Variants in SNAP91 observed in about 807,000 individuals in gnomAD.
The protein encoded by SNAP91 is clathrin coat assembly protein AP180.
Under a neutral mutation model 100.3 loss-of-function variants are expected in SNAP91, and 27 were observed. The ratio of observed to expected loss-of-function variants is 0.27; its 90% CI spans 0.20 to 0.37. The LOEUF is 0.37. SNAP91 is among the 10% of genes least tolerant of loss of function. SNAP91 has a pLI of 1.00. For missense variants in SNAP91, 986 were observed against 1,123.7 expected, an observed-to-expected ratio of 0.88 and a Z score of 1.75; for synonymous variants, 404 against 398.6, an observed-to-expected ratio of 1.01 and a Z score of -0.16.
In SNAP91 at chr6:83,569,513, G is replaced by A. The variant is rs186438814; in HGVS notation, c.2442+5497C>T. Among the ~76,000 whole-genome samples the A allele has an allele frequency of 7.9e-4, 121 of 152,282 alleles. 2 individuals carry two copies. The highest frequency in any genetic ancestry group is 2.7e-3 in the African/African-American group (114 of 41,552). ...CAGTTAAGTCTTGATCTCAGGGTGG[G>A]TAATGGCCAAGGAAGTTCTTCAACT... On this transcript the variant is annotated intron_variant, in intron 26 of 29. Coordinates refer to ENST00000369694, the MANE Select transcript of SNAP91 (RefSeq NM_001242792.2).
chr6:83,669,811 G>C (rs2098751035), intron 2 of SNAP91, among the ~76,000 whole-genome samples: 1 of 151,878 alleles, frequency 6.6e-6, no homozygotes, highest in South Asian at 2.1e-4. Flanking sequence ...CCATGTTATT[G>C]AATGTATCAA....
rs532512255 is a variant in SNAP91 at position 83,570,558 on chromosome 6, G to A, written c.2442+4452C>T. On this transcript the variant is annotated intron_variant, in intron 26 of 29. Transcript: ENST00000369694. ...AGACCTGGAGGTTTACGGGGTGGCG[G>A]GGGGGGAAGTGGTTTCATGGGCTGG... is the stretch of plus-strand genomic sequence containing the variant. Among the ~76,000 whole-genome samples the A allele has an allele frequency of 9.3e-5, 13 of 140,410 alleles. 1 individual carries two copies. Among genetic ancestry groups the A allele is most frequent in the East Asian group, 4.9e-4 (2 of 4,062 alleles). 92.1% of individuals were successfully genotyped at this position (140,410 alleles called of 152,430 possible).
At chr6:83,598,124 T>G (rs989314903) in intron 16 of SNAP91, among the ~76,000 whole-genome samples, 3 of 152,200 alleles carry the variant, frequency 2.0e-5, no homozygotes, top group Admixed American at 2.0e-4. Flanking sequence ...GTTGTTCAAA[T>G]CAATGTGCTA....
At chr6:83,687,554 T>C (rs542260703) in intron 2 of SNAP91, among the ~76,000 whole-genome samples, 49 of 152,340 alleles carry the variant, frequency 3.2e-4, no homozygotes, top group African/African-American at 1.1e-3. Flanking sequence ...CATTCACTTA[T>C]CCAGATATTT....
intron 8 of SNAP91, among the ~76,000 whole-genome samples, chr6:83,632,287 G>A (rs2097241483): frequency 6.6e-6 from 1 of 151,846 alleles, no homozygotes; most frequent in African/African-American, 2.4e-5. Flanking sequence ...TCCTTTATAG[G>A]TTACCTGATG....
At chr6:83,648,072 T>A (rs2128619000) in intron 7 of SNAP91, among the ~76,000 whole-genome samples, 1 of 152,360 alleles carries the variant, frequency 6.6e-6, no homozygotes, top group African/African-American at 2.4e-5. Context: ...AGAACATTTT[T>A]ATTACTCTCA....
intron 2 of SNAP91, among the ~76,000 whole-genome samples, chr6:83,681,116 A>G (rs1455280686): frequency 2.0e-5 from 3 of 152,208 alleles, no homozygotes. Flanking sequence ...ATTCAAAAGT[A>G]TATCTTAGAA....
At chr6:83,610,597 T>C in intron 12 of SNAP91, 53 bp downstream of exon 12, 1 of 582,792 alleles carries the variant, frequency 1.7e-6, no homozygotes, top group East Asian at 2.9e-5. Flanking sequence ...TTTATGATGG[T>C]AAAATGGTAA....
Position 83,708,136 on chromosome 6 carries a change from T to C in SNAP91, c.-30-179A>G. On this transcript the variant is annotated intron_variant, in intron 1 of 29. Transcript: ENST00000369694. ...CTCCTGCGATGCGGTCCAGGGAGTCTTGGCCGTGAGTAGGGCCGTCACGGA... is the reference window on the plus strand; with the variant it reads ...CTCCTGCGATGCGGTCCAGGGAGTCCTGGCCGTGAGTAGGGCCGTCACGGA... 7.4e-6 allele frequency: 4 copies of C among 537,700 alleles called. No homozygotes were observed. In the South Asian group the frequency reaches 1.2e-4, roughly 16 times the overall value. The allele number at this position is 537,700 out of a possible 1,614,324, so 33.3% of individuals were successfully genotyped here.
chr6:83,573,769 A>G lies in SNAP91; in HGVS notation c.2442+1241T>C, dbSNP rs187509589. On this transcript the variant is annotated intron_variant, in intron 26 of 29. Transcript: ENST00000369694. Reference sequence around the variant, plus strand: ...GCCATATGCAGAAAGCTGAAACTGGATCCCTTCCTTACACCTTATACAAAA... The same window carrying G: ...GCCATATGCAGAAAGCTGAAACTGGGTCCCTTCCTTACACCTTATACAAAA... 6.0e-3 allele frequency among the ~76,000 whole-genome samples: 912 copies of G among 152,328 alleles called. 6 individuals carry two copies. The highest frequency in any genetic ancestry group is 0.021 in the African/African-American group (880 of 41,578).
In SNAP91 at chr6:83,683,571, G is replaced by A. The variant is rs933776424; in HGVS notation, c.131-17990C>T. Among the ~76,000 whole-genome samples the A allele has an allele frequency of 5.9e-5, 9 of 152,102 alleles. 1 individual carries two copies. Among genetic ancestry groups the A allele is most frequent in the African/African-American group, 1.7e-4 (7 of 41,418 alleles). Reference sequence around the variant, plus strand: ...ACAAGTAAATGCTTCCAGAGGTCCCGACCAGAAGCAGGTGCTGGCGCCACA... The same window carrying A: ...ACAAGTAAATGCTTCCAGAGGTCCCAACCAGAAGCAGGTGCTGGCGCCACA... On this transcript the variant is annotated intron_variant, in intron 2 of 29. Transcript: ENST00000369694.
At chr6:83,628,901 C>T (rs899019826) in intron 8 of SNAP91, among the ~76,000 whole-genome samples, 4 of 151,980 alleles carry the variant, frequency 2.6e-5, no homozygotes, top group Admixed American at 2.0e-4. Context: ...GTTTTTATTG[C>T]GTTTGCTTTT....
chr6:83,569,228 A>G (rs1802287532), intron 26 of SNAP91, among the ~76,000 whole-genome samples: 1 of 151,128 alleles, frequency 6.6e-6, no homozygotes, highest in Non-Finnish European at 1.5e-5. Context: ...ATTGTAACAA[A>G]TAGTTTCTAT....
chr6:83,563,624 A>G (rs1249387012), intron 26 of SNAP91, among the ~76,000 whole-genome samples: 28 of 152,216 alleles, frequency 1.8e-4, no homozygotes, highest in Non-Finnish European at 3.7e-4. Context: ...TCCATATACA[A>G]CAAAACTGTC....
intron 28 of SNAP91, among the ~76,000 whole-genome samples, chr6:83,559,059 A>T (rs955639366): frequency 1.3e-5 from 2 of 152,188 alleles, no homozygotes; most frequent in African/African-American, 2.4e-5. Context: ...CCAGAAAGGG[A>T]ACCTCTAAAT....
chr6:83,667,386 A>G (rs1037052141), intron 2 of SNAP91, among the ~76,000 whole-genome samples: 3 of 152,068 alleles, frequency 2.0e-5, no homozygotes, highest in Non-Finnish European at 4.4e-5. Flanking sequence ...CACTCTAACT[A>G]AAATAATATA....
At chr6:83,588,115 C>A (rs969660954) in intron 22 of SNAP91, among the ~76,000 whole-genome samples, 6 of 152,118 alleles carry the variant, frequency 3.9e-5, no homozygotes, top group African/African-American at 1.4e-4. Context: ...GATTGTGGGA[C>A]ACTGCATCCA....
chr6:83,674,840 C>T (rs1182310153), intron 2 of SNAP91, among the ~76,000 whole-genome samples: 1 of 152,056 alleles, frequency 6.6e-6, no homozygotes, highest in Non-Finnish European at 1.5e-5. Context: ...TATAGAAGTT[C>T]TGAGGTAACA....
At chr6:83,648,976 T>C (rs1318737665) in intron 7 of SNAP91, among the ~76,000 whole-genome samples, 1 of 152,238 alleles carries the variant, frequency 6.6e-6, no homozygotes, top group Non-Finnish European at 1.5e-5. Context: ...TTATAGTTCA[T>C]GTTTTCTGTA....
Sources: allele counts gnomAD v4.1 joint callset (sites outside exome capture counted in the v4.1 genomes callset), GRCh38; gene constraint gnomAD v4.1.1; transcripts MANE v1.5; gene names NCBI Gene and HGNC (gene_info 2026-07-23, HGNC 2026-07-21).